The following CYP7B1 variants were observed in gnomAD, a reference collection of about 807,000 sequenced individuals.
The protein encoded by CYP7B1 is cytochrome P450 family 7 subfamily B member 1.
A neutral mutation model predicts 42.7 loss-of-function variants in CYP7B1; 29 were observed. The ratio of observed to expected loss-of-function variants is 0.68; its 90% confidence interval spans 0.51 to 0.93. CYP7B1 has a LOEUF of 0.93. Among genes scored for constraint, CYP7B1 ranks in the 40% least tolerant of loss-of-function variants. The pLI is 0.00. For missense variants in CYP7B1, 655 were observed against 600.5 expected (o/e 1.09, Z -0.95); for synonymous variants, 235 against 218.2 (o/e 1.08, Z -0.68).
intron 1 of CYP7B1, among the ~76,000 whole-genome samples, chr8:64,636,695 ACT>A (rs1219901010): frequency 6.6e-6 from 1 of 152,162 alleles, no homozygotes; most frequent in African/African-American, 2.4e-5. Context: ...TCTGAAAGAA[ACT>A]CTAACATTCT....
At chr8:64,696,616 G>A (rs1022517358) in intron 1 of CYP7B1, among the ~76,000 whole-genome samples, 4 of 152,130 alleles carry the variant, frequency 2.6e-5, no homozygotes, top group African/African-American at 9.7e-5. Context: ...TATGGCTAAG[G>A]AGACATAGTG....
intron 1 of CYP7B1, among the ~76,000 whole-genome samples, chr8:64,737,228 GA>G (rs1807503260): frequency 6.6e-6 from 1 of 152,070 alleles, no homozygotes; most frequent in African/African-American, 2.4e-5. Context: ...TCAGCCTCCC[GA>G]GTAATTGGAA....
chr8:64,747,679 T>C (rs962156430), intron 1 of CYP7B1, among the ~76,000 whole-genome samples: 7 of 151,788 alleles, frequency 4.6e-5, no homozygotes, highest in African/African-American at 1.7e-4. Context: ...GCAAACTATA[T>C]ATGTTATTTA....
chr8:64,683,105 C>A (rs983504569), intron 1 of CYP7B1, among the ~76,000 whole-genome samples: 13 of 152,220 alleles, frequency 8.5e-5, no homozygotes, highest in Non-Finnish European at 5.9e-5. Context: ...CCCTTTGCTG[C>A]ATGATCACAG....
chr8:64,753,227 A>G (rs1807756584), intron 1 of CYP7B1, among the ~76,000 whole-genome samples: 1 of 152,272 alleles, frequency 6.6e-6, no homozygotes, highest in Non-Finnish European at 1.5e-5. Context: ...AAATATTAAT[A>G]GCATTTTTTT....
At chr8:64,736,177 A>G (rs1807484858) in intron 1 of CYP7B1, among the ~76,000 whole-genome samples, 2 of 152,144 alleles carry the variant, frequency 1.3e-5, no homozygotes, top group South Asian at 2.1e-4. Context: ...AAAAATATAG[A>G]TCTTGATTTT....
chr8:64,733,665 AG>A (rs1807446238), intron 1 of CYP7B1, among the ~76,000 whole-genome samples: 1 of 152,174 alleles, frequency 6.6e-6, no homozygotes, highest in South Asian at 2.1e-4. Flanking sequence ...CTCAGCTTTG[AG>A]GTCTCAAGTT....
chr8:64,771,882 T>TA (rs1804239791), intron 1 of CYP7B1, among the ~76,000 whole-genome samples: 2 of 152,360 alleles, frequency 1.3e-5, no homozygotes, highest in South Asian at 4.1e-4. Flanking sequence ...TGGTGTCACT[T>TA]AAAATTAATG....
At chr8:64,710,492 T>C (rs532205169) in intron 1 of CYP7B1, among the ~76,000 whole-genome samples, 3 of 152,340 alleles carry the variant, frequency 2.0e-5, no homozygotes, top group Non-Finnish European at 4.4e-5. Context: ...AAGTAGCTCC[T>C]ATATATACCA....
downstream of CYP7B1, among the ~76,000 whole-genome samples, chr8:64,587,272 GGATTCGGGATCCGCATCCGAAGA>G (rs1804981413): frequency 6.6e-6 from 1 of 152,138 alleles, no homozygotes; most frequent in Non-Finnish European, 1.5e-5. Flanking sequence ...GCATCCGGAG[GGATTCGGGATCCGCATCCGAAGA>G]GCACCCCTTC....
chr8:64,677,290 C>T (rs1290304264), intron 1 of CYP7B1, among the ~76,000 whole-genome samples: 1 of 151,602 alleles, frequency 6.6e-6, no homozygotes, highest in Non-Finnish European at 1.5e-5. Flanking sequence ...GGAAAAAAAA[C>T]CCTAAACCTT....
chr8:64,798,422 CG>C, intron 1 of CYP7B1, 43 bp downstream of exon 1: 2 of 1,456,168 alleles, frequency 1.4e-6, no homozygotes, highest in Non-Finnish European at 1.8e-6. Context: ...GCGCGGCCCG[CG>C]GGGCCCAGGG....
intron 5 of CYP7B1, among the ~76,000 whole-genome samples, chr8:64,604,396 G>T (rs901165041): frequency 1.3e-5 from 2 of 152,120 alleles, no homozygotes; most frequent in African/African-American, 4.8e-5. Flanking sequence ...TGTAATTTTG[G>T]CCAAAACGTA....
At chr8:64,718,657 C>T (rs942444800) in intron 1 of CYP7B1, among the ~76,000 whole-genome samples, 2 of 152,276 alleles carry the variant, frequency 1.3e-5, no homozygotes, top group South Asian at 2.1e-4. Flanking sequence ...TGAGGTTAGC[C>T]GATGGCTGTT....
intron 3 of CYP7B1, among the ~76,000 whole-genome samples, 194 bp from the exon 4 acceptor site, chr8:64,615,426 C>A (rs1035372959): frequency 4.2e-5 from 4 of 94,650 alleles, no homozygotes; most frequent in Non-Finnish European, 6.5e-5. Context: ...ATGGGGGGGG[C>A]GGTGTGGTGG....
intron 1 of CYP7B1, among the ~76,000 whole-genome samples, chr8:64,741,091 T>G (rs1173339796): frequency 1.3e-5 from 2 of 151,484 alleles, no homozygotes; most frequent in Non-Finnish European, 2.9e-5. Context: ...AACATAATAT[T>G]TAATAGTGAA....
At chr8:64,609,196 A>T (rs1805329671) in intron 4 of CYP7B1, among the ~76,000 whole-genome samples, 2 of 152,168 alleles carry the variant, frequency 1.3e-5, no homozygotes, top group African/African-American at 2.4e-5. Context: ...ATGGTGTACA[A>T]CTTGTTGTTT....
chr8:64,651,014 C>A (rs1337389838), intron 1 of CYP7B1, among the ~76,000 whole-genome samples: 1 of 152,152 alleles, frequency 6.6e-6, no homozygotes, highest in Non-Finnish European at 1.5e-5. Context: ...TTAAAACAAC[C>A]TATAAAAGTG....
At chr8:64,620,613 A>G (rs1331336508) in intron 2 of CYP7B1, among the ~76,000 whole-genome samples, 1 of 152,226 alleles carries the variant, frequency 6.6e-6, no homozygotes, top group Admixed American at 6.5e-5. Context: ...ATGCAAGAAC[A>G]TATACTCAGT....
Sources: allele counts gnomAD v4.1 joint callset (sites outside exome capture counted in the v4.1 genomes callset), GRCh38; gene constraint gnomAD v4.1.1; transcripts MANE v1.5; gene names NCBI Gene and HGNC (gene_info 2026-07-23, HGNC 2026-07-21).